The following COPB2 variants were observed in gnomAD, a reference collection of about 807,000 sequenced individuals.
COPB2 encodes coatomer subunit beta'.
COPB2 carries 16 observed loss-of-function variants against 120.8 expected under a neutral mutation model. The ratio of observed to expected loss-of-function variants is 0.13; its 90% CI spans 0.09 to 0.20. The LOEUF is 0.20. Ranked by LOEUF, COPB2 falls within the 10% of genes least tolerant of loss-of-function variation. The pLI, the probability that COPB2 is intolerant of heterozygous loss-of-function variation, is 1.00. For missense variants in COPB2, 794 were observed against 1,076.5 expected (o/e 0.74, Z 3.67); for synonymous variants, 332 against 366.3 (o/e 0.91, Z 1.07).
chr3:139,359,173 A>C lies in COPB2; in HGVS notation c.2309T>G (p.Val770Gly), dbSNP rs1941360629. 3.1e-6 allele frequency: 5 copies of C among 1,613,310 alleles called. No homozygotes were observed. The highest frequency in any genetic ancestry group is 4.2e-6 in the Non-Finnish European group (5 of 1,179,784). ...TYLPSQVSRV[V>G]KLWRENLSKV... Reference sequence around the variant, plus strand: ...TGAGAGATTCTCTCTCCAGAGTTTCACTACCCTATTATAGACATCATGGAA... The same window carrying C: ...TGAGAGATTCTCTCTCCAGAGTTTCCCTACCCTATTATAGACATCATGGAA... The change falls in exon 19 of 22, where the codon GTG (valine) becomes GGG (glycine). Residue 770 changes from valine to glycine, a missense_variant. Val to Gly is a moderately radical substitution (Grantham distance 109). Transcript: ENST00000333188.
At chr3:139,381,915 A>ACC (rs144786341) in intron 2 of COPB2, 13 of 149,574 alleles carry the variant, frequency 8.7e-5, no homozygotes, top group South Asian at 2.1e-4. Context: ...CAAAAAAAAA[A>ACC]AGTTATTTGC....
intron 15 of COPB2, among the ~76,000 whole-genome samples, chr3:139,364,044 A>AT (rs113472257): frequency 0.39 from 59,166 of 151,586 alleles, 13,907 homozygotes; most frequent in Non-Finnish European, 0.53. Context: ...CACTAAAAGG[A>AT]TTTTTTTTTA....
chr3:139,381,031 T>G (rs1941801775), intron 2 of COPB2: 1 of 152,168 alleles, frequency 6.6e-6, no homozygotes, highest in African/African-American at 2.4e-5. Flanking sequence ...CAACGTAGAT[T>G]AGGAAAGTAT....
Position 139,389,618 on chromosome 3 carries a change from C to G in COPB2, c.-68G>C. 6.8e-7 allele frequency: 1 copy of G among 1,469,118 alleles called. No homozygotes were observed. The highest frequency in any genetic ancestry group is 9.3e-7 in the Non-Finnish European group (1 of 1,070,540). The allele number at this position is 1,469,118 out of a possible 1,614,324, so 91.0% of individuals were successfully genotyped here. ...CTACTCAGGCCTTGAGATAAACCCA[C>G]CGATCCACTGACCGTCAGACTGACT... is the stretch of plus-strand genomic sequence containing the variant. On this transcript the variant is annotated 5_prime_UTR_variant, in exon 1 of 22. Transcript: ENST00000333188.
intron 1 of COPB2, among the ~76,000 whole-genome samples, chr3:139,386,530 C>A (rs1441287826): frequency 6.6e-6 from 1 of 152,192 alleles, no homozygotes; most frequent in Non-Finnish European, 1.5e-5. Context: ...CAATTTTCCA[C>A]TTTCAAATCA....
intron 4 of COPB2, 59 bp from the exon 5 acceptor site, chr3:139,378,248 G>A (rs988590234): frequency 4.5e-5 from 65 of 1,447,676 alleles, no homozygotes; most frequent in Non-Finnish European, 5.6e-5. Context: ...TCATAACTAA[G>A]ACACAGTCTT....
intron 15 of COPB2, among the ~76,000 whole-genome samples, chr3:139,365,166 A>G (rs1456096059): frequency 3.3e-5 from 5 of 152,192 alleles, no homozygotes; most frequent in Non-Finnish European, 7.3e-5. Flanking sequence ...TTCCCATTAA[A>G]AAAGCTCATC....
At chr3:139,371,925 C>A in intron 9 of COPB2, 92 bp from the exon 10 acceptor site, 4 of 868,666 alleles carry the variant, frequency 4.6e-6, no homozygotes, top group South Asian at 3.4e-5. Flanking sequence ...TAAAAGAATT[C>A]TAATAACAAA....
At chr3:139,358,628 C>G in intron 20 of COPB2, 116 bp downstream of exon 20, 1 of 725,888 alleles carries the variant, frequency 1.4e-6, no homozygotes, top group South Asian at 1.6e-5. Context: ...TTGCAGTGAG[C>G]CTAGATCGCG....
intron 17 of COPB2, 23 bp downstream of exon 17, chr3:139,361,058 T>C (rs1324764626): frequency 6.2e-7 from 1 of 1,611,916 alleles, no homozygotes; most frequent in Non-Finnish European, 8.5e-7. Context: ...TAGAATTAAT[T>C]AATCTTTTAA....
chr3:139,358,858 T>C lies in COPB2; in HGVS notation c.2485-46A>G, dbSNP rs368131669. 7.6e-6 allele frequency: 12 copies of C among 1,570,678 alleles called. No individual in the cohort carries two copies. The African/African-American group carries it at 1.6e-4, about 21-fold the overall frequency. ...GATGAAATGAGATATTCTGAAATCA[T>C]AATTTACCTATGAACTTGGCCTAAA... On this transcript the variant is annotated intron_variant, in intron 19 of 21. Coordinates refer to ENST00000333188, the MANE Select transcript of COPB2 (RefSeq NM_004766.3).
At chr3:139,377,999 T>C in intron 5 of COPB2, 42 bp downstream of exon 5, 2 of 1,483,668 alleles carry the variant, frequency 1.3e-6, no homozygotes, top group Non-Finnish European at 1.8e-6. Flanking sequence ...GCAAGTATAG[T>C]TCACTAATAA....
intron 16 of COPB2, among the ~76,000 whole-genome samples, chr3:139,361,641 T>C (rs1399254844): frequency 6.6e-6 from 1 of 152,254 alleles, no homozygotes; most frequent in South Asian, 2.1e-4. Flanking sequence ...ATATCACTTT[T>C]TTGAAAGCAT....
chr3:139,373,267 T>A lies in COPB2; in HGVS notation c.1040A>T (p.Asp347Val). Residue 347 changes from aspartate (D) to valine (V), a missense_variant, in exon 9 of 22, where the codon GAT becomes GTT. Physicochemically the swap from Asp to Val is radical, Grantham distance 152. Transcript: ENST00000333188. ...DGERLPLAVK[D>V]MGSCEIYPQT... Reference sequence around the variant, plus strand: ...AGGGTATATTTCACAACTGCCCATATCCTTTACTGCCAGTGGCAATCTTTC... The same window carrying A: ...AGGGTATATTTCACAACTGCCCATAACCTTTACTGCCAGTGGCAATCTTTC... The A allele has an allele frequency of 6.2e-7, 1 of 1,614,124 alleles. No homozygotes were observed. Among genetic ancestry groups the A allele is most frequent in the Non-Finnish European group, 8.5e-7 (1 of 1,179,994 alleles).
chr3:139,357,766 G>C lies in COPB2; in HGVS notation c.*97C>G, dbSNP rs1010636977. Reference sequence around the variant, plus strand: ...ACAGCATTTACATATAAAAATCTAAGAAGTTTCTCATAGTCCAAAGCACTG... The same window carrying C: ...ACAGCATTTACATATAAAAATCTAACAAGTTTCTCATAGTCCAAAGCACTG... On this transcript the variant is annotated 3_prime_UTR_variant, in exon 22 of 22. Coordinates refer to ENST00000333188, the MANE Select transcript of COPB2 (RefSeq NM_004766.3). 1.8e-6 allele frequency: 1 copy of C among 561,124 alleles called. No homozygotes were observed. The highest frequency in any genetic ancestry group is 2.0e-5 in the African/African-American group (1 of 51,264). The allele number at this position is 561,124 out of a possible 1,614,324, so 34.8% of individuals were successfully genotyped here.
intron 20 of COPB2, 55 bp downstream of exon 20, chr3:139,358,685 GAAAA>G (rs79933053): frequency 3.0e-4 from 315 of 1,047,482 alleles, no homozygotes; most frequent in Middle Eastern, 8.9e-4. Context: ...TGTCTCAAAA[GAAAA>G]AAAAAAAAAG....
chr3:139,366,555 C>A lies in COPB2; in HGVS notation c.1884+13G>T, dbSNP rs770151959. On this transcript the variant is annotated intron_variant, in intron 15 of 21. Coordinates refer to ENST00000333188, the MANE Select transcript of COPB2 (RefSeq NM_004766.3). ...GTTTTAAAAAACAAAAAGAAAAAAA[C>A]AAAACCTCTTACCTGCTTTTCCAAA... The A allele has an allele frequency of 2.5e-6, 4 of 1,570,912 alleles. No individual in the cohort carries two copies. Among genetic ancestry groups the A allele is most frequent in the African/African-American group, 1.4e-5 (1 of 72,752 alleles).
Position 139,367,992 on chromosome 3 carries a change from C to T in COPB2, c.1545+153G>A, listed in dbSNP as rs573978513. Among the ~76,000 whole-genome samples, 4 of 152,234 alleles carry T rather than the reference C, an allele frequency of 2.6e-5. No individual in the cohort carries two copies. The East Asian group carries it at 5.8e-4, about 22-fold the overall frequency. ...ATTTTAAATTTTGATCTATGAGTTA[C>T]GATTTTAATTTTTCACATTTCACCA... On this transcript the variant is annotated intron_variant, in intron 13 of 21. Transcript: ENST00000333188.
Position 139,357,949 on chromosome 3 carries a change from C to T in COPB2, c.2635G>A (p.Glu879Lys), listed in dbSNP as rs745747191. 23 of 1,579,096 alleles carry T rather than the reference C, an allele frequency of 1.5e-5. No homozygotes were observed. Among genetic ancestry groups the T allele is most frequent in the East Asian group, 9.0e-5 (4 of 44,630 alleles). ...AAATTATCCAAATCTACTTCTAGTT[C>T]GAGTAAACTCTGCAGACAAAAGGAA... is the stretch of plus-strand genomic sequence containing the variant. ...TANKEEKSLLELEVDLDNLEL... is the reference protein window; with the variant it reads ...TANKEEKSLLKLEVDLDNLEL... The change falls in exon 22 of 22, where the codon GAA becomes AAA. Residue 879 changes from glutamate to lysine, a missense_variant. Coordinates refer to ENST00000333188, the MANE Select transcript of COPB2 (RefSeq NM_004766.3).
Sources: allele counts gnomAD v4.1 joint callset (sites outside exome capture counted in the v4.1 genomes callset), GRCh38; gene constraint gnomAD v4.1.1; transcripts MANE v1.5; gene names NCBI Gene and HGNC (gene_info 2026-07-23, HGNC 2026-07-21).